TES: variants seen among roughly 807,000 people sequenced by gnomAD.
TES encodes testin LIM domain protein, also known as testin.
In TES, 41 loss-of-function variants were observed where a neutral mutation model predicts 48.2. The ratio of observed to expected loss-of-function variants is 0.85; its 90% confidence interval spans 0.66 to 1.10. TES has a LOEUF of 1.10. Among genes scored for constraint, TES ranks in the 50% least tolerant of loss-of-function variants. TES has a pLI of 0.00. For missense variants in TES, 463 were observed against 515.1 expected (o/e 0.90, Z 0.98); for synonymous variants, 162 against 174.9 (o/e 0.93, Z 0.58).
chr7:116,249,236 C>T lies in TES; in HGVS notation c.330C>T (p.Thr110=), dbSNP rs957401567. The change falls in exon 3 of 7, where the codon ACC becomes ACT. Residue 110 remains threonine (T), a synonymous_variant. Transcript: ENST00000358204. ...AGAATGTCTCCATCAATACAGTTAC[C>T]TATGAGTGGGCTCCTCCTGTCCAGA... ...AKKNVSINTV[T]YEWAPPVQNQ... is the part of the protein sequence containing the mutation. The T allele has an allele frequency of 8.1e-6, 13 of 1,613,940 alleles. No homozygotes were observed. Among genetic ancestry groups the T allele is most frequent in the African/African-American group, 8.0e-5 (6 of 74,922 alleles).
rs1205094331 is a variant in TES at position 116,258,189 on chromosome 7, TA to T, written c.*708del. On this transcript the variant is annotated 3_prime_UTR_variant, in exon 7 of 7. Transcript: ENST00000358204. ...ACAGTATCCACACTTTTTAGTTCTT[TA>T]TTTTTTTTTTTTTATTTTGAGCAAT... The T allele has an allele frequency of 2.7e-5, 3 of 109,530 alleles. No individual in the cohort carries two copies. The highest frequency in any genetic ancestry group is 6.3e-4 in the South Asian group (2 of 3,198). 6.8% of individuals were successfully genotyped at this position (109,530 alleles called of 1,614,324 possible).
At chr7:116,249,677 A>G (rs1417129696) in intron 3 of TES, 3 of 167,920 alleles carry the variant, frequency 1.8e-5, no homozygotes, top group African/African-American at 7.2e-5. Flanking sequence ...CTTTATTAAT[A>G]CTATATAAGA....
At chr7:116,228,975 C>T (rs566278942) in intron 1 of TES, among the ~76,000 whole-genome samples, 1 of 131,256 alleles carries the variant, frequency 7.6e-6, no homozygotes, top group East Asian at 2.5e-4. Flanking sequence ...CAAAGTTCCC[C>T]GTTAGCTCTC....
intron 1 of TES, among the ~76,000 whole-genome samples, chr7:116,216,378 G>T (rs1799493821): frequency 6.6e-6 from 1 of 151,940 alleles, no homozygotes; most frequent in Non-Finnish European, 1.5e-5. Flanking sequence ...ATTTAAAATT[G>T]CCCTAAGCTG....
chr7:116,229,008 A>AACTATATATATATATATATATATATAAC (rs1432659047), intron 1 of TES, among the ~76,000 whole-genome samples: 1 of 96,714 alleles, frequency 1.0e-5, no homozygotes, highest in African/African-American at 4.0e-5. Context: ...CTATATATAT[A>AACTATATATATATATATATATATATAAC]TATATATATA....
At chr7:116,230,486 C>CT (rs1417941258) in intron 1 of TES, among the ~76,000 whole-genome samples, 1 of 152,194 alleles carries the variant, frequency 6.6e-6, no homozygotes, top group Non-Finnish European at 1.5e-5. Context: ...CAAGTTACTG[C>CT]TTTTCCCAAG....
chr7:116,233,581 CAAA>C (rs1799728123), intron 1 of TES, among the ~76,000 whole-genome samples: 1 of 152,132 alleles, frequency 6.6e-6, no homozygotes, highest in African/African-American at 2.4e-5. Context: ...TCAAAAATGG[CAAA>C]TCATATTGCC....
At chr7:116,217,849 G>A (rs1264845654) in intron 1 of TES, 28 of 516,394 alleles carry the variant, frequency 5.4e-5, no homozygotes, top group Middle Eastern at 3.2e-4. Context: ...GCATGGTTTT[G>A]TCAATTTTCA....
chr7:116,228,998 C>CTATA (rs58514364), intron 1 of TES, among the ~76,000 whole-genome samples: 124 of 110,136 alleles, frequency 1.1e-3, no homozygotes, highest in Admixed American at 3.7e-3. Context: ...GTATCTATAA[C>CTATA]TATATATATA....
At chr7:116,247,665 G>A (rs1183653585) in intron 2 of TES, among the ~76,000 whole-genome samples, 3 of 152,096 alleles carry the variant, frequency 2.0e-5, no homozygotes, top group African/African-American at 4.8e-5. Context: ...TGCACGTTTG[G>A]TTGACAAAAC....
At chr7:116,239,344 TA>T (rs1476129680) in intron 2 of TES, 2 of 152,182 alleles carry the variant, frequency 1.3e-5, no homozygotes, top group East Asian at 3.9e-4. Context: ...AAAAGTAACA[TA>T]ATCATGAAAG....
At chr7:116,217,689 T>G (rs180849388) in intron 1 of TES, 24 of 403,398 alleles carry the variant, frequency 5.9e-5, no homozygotes, top group Middle Eastern at 8.0e-4. Flanking sequence ...GAAAAATAAT[T>G]TGGTAATTGA....
chr7:116,251,214 T>TTA (rs1324395677), intron 4 of TES, among the ~76,000 whole-genome samples: 1 of 152,214 alleles, frequency 6.6e-6, no homozygotes, highest in African/African-American at 2.4e-5. Context: ...CAGGAAATAA[T>TTA]GCCTGTTACA....
chr7:116,216,097 A>T (rs754454401), intron 1 of TES, among the ~76,000 whole-genome samples: 8 of 152,150 alleles, frequency 5.3e-5, no homozygotes, highest in Non-Finnish European at 7.4e-5. Flanking sequence ...AGTGTGCAAC[A>T]CGAGTTACCA....
At chr7:116,234,207 A>G (rs956113254) in intron 1 of TES, among the ~76,000 whole-genome samples, 7 of 152,126 alleles carry the variant, frequency 4.6e-5, no homozygotes, top group South Asian at 2.1e-4. Context: ...TGTTGTACCT[A>G]TTGTGCTATG....
rs764774410 is a variant in TES at position 116,252,461 on chromosome 7, G to A, written c.1062G>A (p.Val354=). ...AGCCCGTGTGCAAGCCCTGCTATGTGAAGAATCACGCTGTGGTGAGAAGTG... is the reference window on the plus strand; with the variant it reads ...AGCCCGTGTGCAAGCCCTGCTATGTAAAGAATCACGCTGTGGTGAGAAGTG... The part of the protein sequence containing the change: ...NDKPVCKPCY[V]KNHAVVCQGC... The change falls in exon 6 of 7, where the codon GTG becomes GTA. Residue 354 remains valine, a synonymous_variant. Coordinates refer to ENST00000358204, the MANE Select transcript of TES (RefSeq NM_015641.4). 5 of 1,614,088 alleles carry A rather than the reference G, an allele frequency of 3.1e-6. No individual in the cohort carries two copies. Among genetic ancestry groups the A allele is most frequent in the Non-Finnish European group, 4.2e-6 (5 of 1,180,050 alleles).
At chr7:116,254,747 AAT>A (rs901786807) in intron 6 of TES, among the ~76,000 whole-genome samples, 2,523 of 108,930 alleles carry the variant, frequency 0.023, 29 homozygotes, top group East Asian at 0.032. Context: ...TCTCAAAAAA[AAT>A]ATATATATAT....
intron 1 of TES, among the ~76,000 whole-genome samples, chr7:116,228,124 A>G (rs1046416523): frequency 6.6e-6 from 1 of 151,374 alleles, no homozygotes; most frequent in Non-Finnish European, 1.5e-5. Context: ...GAATATGGAT[A>G]CATTGATTCC....
chr7:116,229,018 AT>A (rs1799661790), intron 1 of TES, among the ~76,000 whole-genome samples: 5 of 136,144 alleles, frequency 3.7e-5, no homozygotes, highest in African/African-American at 5.4e-5. Context: ...ATATATATAT[AT>A]ATATATATAT....
Sources: gnomAD v4.1 joint callset for allele counts (sites outside exome capture counted in the v4.1 genomes callset) on GRCh38, gnomAD v4.1.1 for gene constraint, MANE v1.5 for transcripts, NCBI Gene and HGNC (gene_info 2026-07-23, HGNC 2026-07-21) for gene names.